TRIO: variants seen among roughly 807,000 people sequenced by gnomAD.
TRIO encodes the protein triple functional domain protein.
TRIO carries 58 observed loss-of-function variants against 351.9 expected under a neutral mutation model. The ratio of observed to expected loss-of-function variants is 0.16; its 90% CI spans 0.13 to 0.21. The LOEUF (loss-of-function observed/expected upper bound fraction) is 0.21, where lower values mean the gene tolerates loss of function less well. TRIO is among the 10% of genes least tolerant of loss of function. The pLI is 1.00. For missense variants in TRIO, 3,201 were observed against 4,027.8 expected, an observed-to-expected ratio of 0.79 and a Z score of 5.56; for synonymous variants, 1,758 against 1,595.7, an observed-to-expected ratio of 1.10 and a Z score of -2.42.
At chr5:14,288,210 TTAAGTAAAAA>T (rs1322408574) in intron 4 of TRIO, among the ~76,000 whole-genome samples, 1 of 152,198 alleles carries the variant, frequency 6.6e-6, no homozygotes, top group Non-Finnish European at 1.5e-5. Flanking sequence ...TATAAGTGTT[TTAAGTAAAAA>T]TAATGGTCTG....
intron 1 of TRIO, among the ~76,000 whole-genome samples, chr5:14,160,421 T>C (rs538911183): frequency 8.5e-5 from 13 of 152,344 alleles, no homozygotes; most frequent in African/African-American, 3.1e-4. Flanking sequence ...TTATTTAATA[T>C]ACATGACACT....
intron 1 of TRIO, among the ~76,000 whole-genome samples, chr5:14,147,636 C>G (rs924754194): frequency 6.6e-6 from 1 of 152,226 alleles, no homozygotes; most frequent in South Asian, 2.1e-4. Flanking sequence ...CAGCCCCTGT[C>G]TTTCCAGGGA....
chr5:14,210,888 C>G (rs1483917703), intron 1 of TRIO, among the ~76,000 whole-genome samples: 1 of 152,064 alleles, frequency 6.6e-6, no homozygotes, highest in Non-Finnish European at 1.5e-5. Context: ...GTCCTACCCT[C>G]CACTCCCTTC....
chr5:14,293,186 TG>T, intron 6 of TRIO, 52 bp downstream of exon 6: 1 of 1,611,604 alleles, frequency 6.2e-7, no homozygotes, highest in Non-Finnish European at 8.5e-7. Flanking sequence ...TTTTAGCAAA[TG>T]GGAGGCATTT....
chr5:14,157,484 TCTCC>T (rs1788173174), intron 1 of TRIO, among the ~76,000 whole-genome samples: 1 of 149,762 alleles, frequency 6.7e-6, no homozygotes, highest in African/African-American at 2.4e-5. Context: ...TCTCCCTCTC[TCTCC>T]CTGTCTCCCT....
intron 34 of TRIO, among the ~76,000 whole-genome samples, chr5:14,424,246 G>A (rs552798421): frequency 2.6e-5 from 4 of 152,180 alleles, no homozygotes; most frequent in East Asian, 3.9e-4. Flanking sequence ...AGCAAAGGCC[G>A]ATTCAAAACT....
chr5:14,420,179 A>G (rs1277423076), intron 34 of TRIO, 158 bp downstream of exon 34: 2 of 1,093,296 alleles, frequency 1.8e-6, no homozygotes, highest in Admixed American at 2.8e-5. Context: ...CCAGTCCATC[A>G]GCACCTGAAG....
chr5:14,246,547 C>G (rs1017186598), intron 1 of TRIO, among the ~76,000 whole-genome samples: 1 of 152,104 alleles, frequency 6.6e-6, no homozygotes, highest in Non-Finnish European at 1.5e-5. Flanking sequence ...ATTAAGAGCC[C>G]AAGCCAGTCT....
intron 34 of TRIO, among the ~76,000 whole-genome samples, chr5:14,451,168 T>C (rs1471184621): frequency 6.6e-6 from 1 of 152,250 alleles, no homozygotes. Context: ...ATCATCATTT[T>C]AATTCAATAT....
chr5:14,474,173 G>A, intron 40 of TRIO, 76 bp downstream of exon 40: 2 of 1,433,292 alleles, frequency 1.4e-6, no homozygotes, highest in Non-Finnish European at 2.0e-6. Context: ...CAGGCCAAAG[G>A]GAATTTATTC....
intron 46 of TRIO, among the ~76,000 whole-genome samples, chr5:14,483,739 C>T (rs1185256227): frequency 6.6e-6 from 1 of 152,138 alleles, no homozygotes; most frequent in Non-Finnish European, 1.5e-5. Flanking sequence ...GGGCTGCGGG[C>T]CCTCGCACCT....
chr5:14,357,907 T>A (rs560814850), intron 11 of TRIO, among the ~76,000 whole-genome samples: 1 of 152,232 alleles, frequency 6.6e-6, no homozygotes, highest in African/African-American at 2.4e-5. Context: ...TTCCTTTTTC[T>A]CTTTTGTGAC....
chr5:14,147,454 G>A (rs1042366317), intron 1 of TRIO, among the ~76,000 whole-genome samples: 2 of 152,092 alleles, frequency 1.3e-5, no homozygotes, highest in African/African-American at 2.4e-5. Context: ...TTGTGAGAGC[G>A]TGTGTGTGTG....
At chr5:14,328,430 A>G (rs1740600678) in intron 9 of TRIO, among the ~76,000 whole-genome samples, 1 of 152,266 alleles carries the variant, frequency 6.6e-6, no homozygotes, top group Non-Finnish European at 1.5e-5. Context: ...ATTTAAAACA[A>G]TGTGCTCAAT....
chr5:14,243,317 G>GTT (rs201642661), intron 1 of TRIO, among the ~76,000 whole-genome samples: 3 of 143,350 alleles, frequency 2.1e-5, no homozygotes, highest in African/African-American at 7.7e-5. Flanking sequence ...GACATGAAAT[G>GTT]TTTTTTTTTT....
chr5:14,378,916 T>G (rs1745817743), intron 20 of TRIO, among the ~76,000 whole-genome samples: 1 of 152,198 alleles, frequency 6.6e-6, no homozygotes, highest in South Asian at 2.1e-4. Context: ...AGGGGGTACA[T>G]TTGGAGTATC....
intron 34 of TRIO, among the ~76,000 whole-genome samples, chr5:14,451,858 T>C (rs2126432409): frequency 6.6e-6 from 1 of 152,386 alleles, no homozygotes; most frequent in East Asian, 1.9e-4. Flanking sequence ...CAAGACATCA[T>C]TTCATTGTTC....
chr5:14,488,862 T>A, intron 48 of TRIO: 1 of 717,208 alleles, frequency 1.4e-6, no homozygotes, highest in Non-Finnish European at 2.5e-6. Flanking sequence ...TCTGGGCACC[T>A]GGCGAGGCGG....
intron 54 of TRIO, 125 bp from the exon 55 acceptor site, chr5:14,504,268 C>G: frequency 9.6e-7 from 1 of 1,043,284 alleles, no homozygotes; most frequent in East Asian, 2.5e-5. Context: ...GTGGAGTGGC[C>G]GGGAGAGCAG....
Sources: gnomAD v4.1 joint callset for allele counts (sites outside exome capture counted in the v4.1 genomes callset) on GRCh38, gnomAD v4.1.1 for gene constraint, MANE v1.5 for transcripts, NCBI Gene and HGNC (gene_info 2026-07-23, HGNC 2026-07-21) for gene names.